The following UPP2 variants were observed in gnomAD, a reference collection of about 807,000 sequenced individuals.
UPP2 encodes uridine phosphorylase 2, also known as UPase 2.
A neutral mutation model predicts 26.7 loss-of-function variants in UPP2; 23 were observed. The observed-to-expected ratio is 0.86, with a 90% CI of 0.62 to 1.22. The LOEUF is 1.22. Among genes scored for constraint, UPP2 ranks in the 50% most tolerant of loss-of-function variants. The pLI, the probability that UPP2 is intolerant of heterozygous loss-of-function variation, is 0.00. For missense variants in UPP2, 387 were observed against 396.7 expected, an observed-to-expected ratio of 0.98 and a Z score of 0.21; for synonymous variants, 127 against 141.3, an observed-to-expected ratio of 0.90 and a Z score of 0.72.
chr2:158,035,847 C>A (rs1469590913), intron 3 of UPP2, among the ~76,000 whole-genome samples: 1 of 152,198 alleles, frequency 6.6e-6, no homozygotes, highest in African/African-American at 2.4e-5. Context: ...GGGTTGAAAC[C>A]AGTTTTCCTC....
At chr2:157,998,517 T>A (rs1231702347) in intron 2 of UPP2, among the ~76,000 whole-genome samples, 1 of 152,104 alleles carries the variant, frequency 6.6e-6, no homozygotes, top group Non-Finnish European at 1.5e-5. Context: ...TAACATTTAT[T>A]GAGGCCAGGC....
At chr2:158,072,787 T>C (rs1682564350) in intron 3 of UPP2, among the ~76,000 whole-genome samples, 1 of 152,228 alleles carries the variant, frequency 6.6e-6, no homozygotes, top group South Asian at 2.1e-4. Context: ...TCAATGAGTC[T>C]ATAAGAACCA....
chr2:158,044,429 G>A (rs1185211069), intron 3 of UPP2, among the ~76,000 whole-genome samples: 3 of 152,138 alleles, frequency 2.0e-5, no homozygotes, highest in Admixed American at 6.5e-5. Context: ...TGTAGTGACA[G>A]TGGAGTTTCA....
chr2:158,035,631 C>A (rs1683989649), intron 3 of UPP2, among the ~76,000 whole-genome samples: 1 of 152,116 alleles, frequency 6.6e-6, no homozygotes, highest in Non-Finnish European at 1.5e-5. Context: ...CTGAGCTGGC[C>A]AATCAGAGTC....
intron 3 of UPP2, among the ~76,000 whole-genome samples, chr2:158,028,466 C>T (rs1683870303): frequency 1.3e-5 from 2 of 152,162 alleles, no homozygotes; most frequent in African/African-American, 4.8e-5. Context: ...CCTTATTGTC[C>T]ATATCACTAA....
intron 3 of UPP2, among the ~76,000 whole-genome samples, chr2:158,021,682 A>C (rs894650102): frequency 1.3e-5 from 2 of 152,158 alleles, no homozygotes; most frequent in African/African-American, 4.8e-5. Context: ...TAAGATTTTT[A>C]ATTTGCTTTT....
chr2:158,112,185 C>T (rs777134919), intron 2 of UPP2, among the ~76,000 whole-genome samples: 47 of 152,058 alleles, frequency 3.1e-4, no homozygotes, highest in Non-Finnish European at 2.4e-4. Flanking sequence ...TTGGAGGACT[C>T]GCACTTCCCA....
chr2:158,004,230 T>G (rs1371868872), intron 2 of UPP2, among the ~76,000 whole-genome samples: 1 of 152,168 alleles, frequency 6.6e-6, no homozygotes, highest in African/African-American at 2.4e-5. Context: ...TATATTACTT[T>G]TATAATTAGA....
intron 6 of UPP2, among the ~76,000 whole-genome samples, chr2:158,130,466 A>C (rs10199024): frequency 9.1e-4 from 22 of 24,304 alleles, no homozygotes; most frequent in South Asian, 8.1e-3. Context: ...AAAAAACAAA[A>C]AAAAAAAACC....
chr2:158,123,017 AAC>A (rs1683604066), intron 5 of UPP2, among the ~76,000 whole-genome samples: 1 of 152,232 alleles, frequency 6.6e-6, no homozygotes, highest in South Asian at 2.1e-4. Flanking sequence ...AATGGATGGC[AAC>A]AGAGTGCTAT....
At chr2:158,069,463 C>G in intron 3 of UPP2, among the ~76,000 whole-genome samples, 1 of 152,208 alleles carries the variant, frequency 6.6e-6, no homozygotes, top group Non-Finnish European at 1.5e-5. Flanking sequence ...ATGCAGAGTG[C>G]AAAGCTTCTC....
intron 3 of UPP2, among the ~76,000 whole-genome samples, chr2:158,021,798 A>T (rs1287923404): frequency 1.3e-5 from 2 of 152,186 alleles, no homozygotes; most frequent in Non-Finnish European, 2.9e-5. Flanking sequence ...ACATGGGGAG[A>T]CATAAAAGAC....
intron 3 of UPP2, among the ~76,000 whole-genome samples, chr2:158,058,519 A>G (rs1162957035): frequency 6.6e-6 from 1 of 151,808 alleles, no homozygotes; most frequent in Non-Finnish European, 1.5e-5. Flanking sequence ...AGCTAGGAAG[A>G]CAGGCCTCTC....
intron 5 of UPP2, among the ~76,000 whole-genome samples, chr2:158,122,819 G>A (rs141296291): frequency 2.6e-5 from 4 of 152,234 alleles, no homozygotes; most frequent in East Asian, 1.9e-4. Context: ...CACTCGCATC[G>A]ACATTACCTG....
At chr2:158,101,185 TC>T (rs1683069213), upstream of UPP2, among the ~76,000 whole-genome samples, 1 of 152,204 alleles carries the variant, frequency 6.6e-6, no homozygotes. Flanking sequence ...AGAAAAAAGA[TC>T]AGGATGAAGT....
chr2:158,049,787 A>G, intron 3 of UPP2, among the ~76,000 whole-genome samples: 1 of 152,206 alleles, frequency 6.6e-6, no homozygotes, highest in Non-Finnish European at 1.5e-5. Flanking sequence ...GAACTGGGGA[A>G]TATTACCTAG....
At chr2:158,055,108 T>C (rs1225410216) in intron 3 of UPP2, among the ~76,000 whole-genome samples, 2 of 152,224 alleles carry the variant, frequency 1.3e-5, no homozygotes, top group Non-Finnish European at 2.9e-5. Flanking sequence ...AATTTATTTC[T>C]TACAATTCTG....
chr2:158,054,725 G>A (rs1366419750), intron 3 of UPP2, among the ~76,000 whole-genome samples: 1 of 152,170 alleles, frequency 6.6e-6, no homozygotes, highest in Non-Finnish European at 1.5e-5. Flanking sequence ...CCCATAAATA[G>A]TCAATGACTT....
In UPP2 at chr2:158,111,845, C is replaced by G. The variant is rs545623975; in HGVS notation, c.181-3256C>G. On this transcript the variant is annotated intron_variant, in intron 2 of 6. Coordinates refer to ENST00000005756, the MANE Select transcript of UPP2 (RefSeq NM_173355.4). ...AAATCTACTTTTAATCAATGTTGTACGACTTGAAGTGGGACATATAGACCT... is the reference window on the plus strand; with the variant it reads ...AAATCTACTTTTAATCAATGTTGTAGGACTTGAAGTGGGACATATAGACCT... 2.0e-5 allele frequency among the ~76,000 whole-genome samples: 3 copies of G among 152,008 alleles called. No individual in the cohort carries two copies. The South Asian group carries it at 6.2e-4, about 31-fold the overall frequency.
Sources: allele counts gnomAD v4.1 joint callset (sites outside exome capture counted in the v4.1 genomes callset), GRCh38; gene constraint gnomAD v4.1.1; transcripts MANE v1.5; gene names NCBI Gene and HGNC (gene_info 2026-07-23, HGNC 2026-07-21).